Variants in TAF3 observed in about 807,000 individuals in gnomAD.
TAF3 encodes the protein transcription initiation factor TFIID subunit 3.
In TAF3, 7 loss-of-function variants were observed where a neutral mutation model predicts 80.6. The ratio of observed to expected loss-of-function variants is 0.09; its 90% CI spans 0.05 to 0.16. The LOEUF is 0.16. TAF3 is among the 10% of genes least tolerant of loss of function. The pLI, the probability that TAF3 is intolerant of heterozygous loss-of-function variation, is 1.00. For missense variants in TAF3, 921 were observed against 1,140.2 expected (o/e 0.81, Z 2.77); for synonymous variants, 444 against 446.1 (o/e 1.00, Z 0.06).
chr10:7,918,907 A>G lies in TAF3; in HGVS notation c.410-45013A>G, dbSNP rs146918236. 1.7e-3 allele frequency among the ~76,000 whole-genome samples: 252 copies of G among 152,276 alleles called. 3 individuals are homozygous for G. Among genetic ancestry groups the G allele is most frequent in the African/African-American group, 5.8e-3 (241 of 41,560 alleles). The stretch of plus-strand genomic sequence containing the variant: ...GGAAAATAGTCTAGAAGCAAAATGA[A>G]GAGCAAGGAGGCACTCACCTCACCT... On this transcript the variant is annotated intron_variant, in intron 2 of 6. Transcript: ENST00000344293.
chr10:7,983,686 A>T (rs528044178), intron 4 of TAF3, among the ~76,000 whole-genome samples: 1 of 152,138 alleles, frequency 6.6e-6, no homozygotes, highest in Non-Finnish European at 1.5e-5. Context: ...AAAGCTAAAC[A>T]TCATGAGCTG....
At chr10:7,976,714 CT>C (rs1177633339) in intron 3 of TAF3, among the ~76,000 whole-genome samples, 1 of 151,998 alleles carries the variant, frequency 6.6e-6, no homozygotes, top group African/African-American at 2.4e-5. Context: ...TTTTTGTTTT[CT>C]TTTACAGCAT....
At chr10:7,944,012 A>G (rs1235508964) in intron 2 of TAF3, among the ~76,000 whole-genome samples, 3 of 152,038 alleles carry the variant, frequency 2.0e-5, no homozygotes, top group South Asian at 2.1e-4. Flanking sequence ...TGATATGCGT[A>G]AGAGGAAGAA....
At chr10:7,972,903 A>G (rs1479192552) in intron 3 of TAF3, among the ~76,000 whole-genome samples, 2 of 152,226 alleles carry the variant, frequency 1.3e-5, no homozygotes, top group Non-Finnish European at 2.9e-5. Flanking sequence ...ACAAATATTT[A>G]TCATAAGAGA....
At chr10:7,966,944 T>C (rs1831576776) in intron 3 of TAF3, among the ~76,000 whole-genome samples, 1 of 152,222 alleles carries the variant, frequency 6.6e-6, no homozygotes, top group Non-Finnish European at 1.5e-5. Flanking sequence ...CAACTCTTAT[T>C]TCCATTTAAA....
intron 2 of TAF3, among the ~76,000 whole-genome samples, chr10:7,830,794 C>T (rs1836792230): frequency 6.6e-6 from 1 of 152,000 alleles, no homozygotes; most frequent in Non-Finnish European, 1.5e-5. Context: ...ATGTCATTTA[C>T]CTTTTAGTTT....
Position 8,013,755 on chromosome 10 carries a change from A to C in TAF3, c.2593A>C (p.Ile865Leu). 6.2e-7 allele frequency: 1 copy of C among 1,613,940 alleles called. No homozygotes were observed. Among genetic ancestry groups the C allele is most frequent in the Non-Finnish European group, 8.5e-7 (1 of 1,180,004 alleles). ...YVIRDEWGNQ[I>L]WICPGCNKPD... ...GATCCGAGATGAGTGGGGCAATCAG[A>C]TCTGGATCTGCCCTGGGTGTAACAA... The change falls in exon 6 of 7, where the codon ATC becomes CTC. Residue 865 changes from isoleucine (I) to leucine (L), a missense_variant. Ile to Leu is a conservative substitution (Grantham distance 5). Transcript: ENST00000344293.
chr10:7,906,825 C>G (rs1837612218), intron 2 of TAF3, among the ~76,000 whole-genome samples: 3 of 151,136 alleles, frequency 2.0e-5, no homozygotes, highest in Admixed American at 6.6e-5. Flanking sequence ...TCAACTGATC[C>G]TCCTGCCTTG....
chr10:7,964,245 G>T lies in TAF3; in HGVS notation c.735G>T (p.Glu245Asp), dbSNP rs1447569129. Residue 245 changes from glutamate to aspartate, a missense_variant, in exon 3 of 7, where the codon GAG becomes GAT. Around this residue, in one of 6 missense-constraint regions of TAF3, gnomAD observed 743 missense variants for 821.0 expected, o/e 0.90. Transcript: ENST00000344293. The surrounding 1 kb of genome is among the most constrained non-coding windows in gnomAD (Gnocchi z 4.1). ...CAGACTTGGCACCTCCCTCACCCGA[G>T]CCGCCAATGTTGGCTCCAGTTGCAA... The part of the protein sequence containing the change: ...DSTDLAPPSP[E>D]PPMLAPVAKS... 2 of 1,614,042 alleles carry T rather than the reference G, an allele frequency of 1.2e-6. No individual in the cohort carries two copies. The highest frequency in any genetic ancestry group is 4.5e-5 in the East Asian group (2 of 44,896).
At chr10:7,978,226 C>T (rs1831692202) in intron 4 of TAF3, among the ~76,000 whole-genome samples, 3 of 151,886 alleles carry the variant, frequency 2.0e-5, no homozygotes, top group Admixed American at 2.0e-4. Flanking sequence ...AATTTTTAGC[C>T]ATAAAAGTGA....
intron 4 of TAF3, among the ~76,000 whole-genome samples, chr10:7,988,618 G>A (rs904115943): frequency 7.3e-6 from 1 of 136,464 alleles, no homozygotes; most frequent in Non-Finnish European, 1.6e-5. Flanking sequence ...AGATATAATG[G>A]TGTGCACCTG....
chr10:7,953,340 T>C (rs1838102721), intron 2 of TAF3, among the ~76,000 whole-genome samples: 1 of 152,228 alleles, frequency 6.6e-6, no homozygotes, highest in African/African-American at 2.4e-5. Context: ...TGCTTGTTGG[T>C]CAGTGAGATA....
chr10:7,840,133 A>G (rs956442141), intron 2 of TAF3, among the ~76,000 whole-genome samples: 4 of 151,694 alleles, frequency 2.6e-5, no homozygotes, highest in Non-Finnish European at 4.4e-5. Context: ...AAGTAATTCT[A>G]TGAAGTATCT....
intron 2 of TAF3, among the ~76,000 whole-genome samples, chr10:7,861,710 GT>G (rs1258214465): frequency 6.6e-6 from 1 of 151,882 alleles, no homozygotes; most frequent in Non-Finnish European, 1.5e-5. Context: ...CTGTTTTTCT[GT>G]TGCTGCTTTC....
Position 8,009,321 on chromosome 10 carries a change from C to T in TAF3, c.2559C>T (p.Ser853=). 1.9e-6 allele frequency: 3 copies of T among 1,592,638 alleles called. No homozygotes were observed. Among genetic ancestry groups the T allele is most frequent in the Non-Finnish European group, 2.6e-6 (3 of 1,170,638 alleles). ...PVRSVVTETV[S]TYVIRDEWGN... is the part of the protein sequence containing the mutation. Reference sequence around the variant, plus strand: ...GCAGCGTGGTGACTGAGACGGTCAGCACCTACGTGGTGCGTACCTGCCGCC... The same window carrying T: ...GCAGCGTGGTGACTGAGACGGTCAGTACCTACGTGGTGCGTACCTGCCGCC... The change falls in exon 5 of 7, where the codon AGC becomes AGT. Residue 853 remains serine (S), a synonymous_variant. Transcript: ENST00000344293. This position sits in a 1 kb window ranked among gnomAD's most constrained non-coding sequence, Gnocchi z 4.1.
At chr10:7,920,632 T>C (rs1837755013) in intron 2 of TAF3, among the ~76,000 whole-genome samples, 1 of 152,210 alleles carries the variant, frequency 6.6e-6, no homozygotes, top group Non-Finnish European at 1.5e-5. Context: ...TATAAATCCC[T>C]TATCTTTACT....
At chr10:7,903,089 A>G (rs1442974922) in intron 2 of TAF3, among the ~76,000 whole-genome samples, 21 of 152,102 alleles carry the variant, frequency 1.4e-4, no homozygotes, top group Admixed American at 1.4e-3. Flanking sequence ...TGGCATGGTG[A>G]CACACCCGTG....
chr10:7,914,849 G>A (rs1473579758), intron 2 of TAF3, among the ~76,000 whole-genome samples: 1 of 150,610 alleles, frequency 6.6e-6, no homozygotes, highest in South Asian at 2.1e-4. Context: ...TGACCCATTA[G>A]CCTTTTCCTT....
At chr10:7,946,591 C>T (rs1588561669) in intron 2 of TAF3, among the ~76,000 whole-genome samples, 1 of 152,288 alleles carries the variant, frequency 6.6e-6, no homozygotes, top group East Asian at 1.9e-4. Context: ...GGCGTAGTAG[C>T]ACATGTCCTT....
Sources: gnomAD v4.1 joint callset for allele counts (sites outside exome capture counted in the v4.1 genomes callset) on GRCh38, gnomAD v4.1.1 for gene constraint, gnomAD v4.1.1 regional missense constraint, Gnocchi (gnomAD v3.1) non-coding constraint, MANE v1.5 for transcripts, NCBI Gene and HGNC (gene_info 2026-07-23, HGNC 2026-07-21) for gene names.